The following ARHGAP6 variants were observed in gnomAD, a reference collection of about 807,000 sequenced individuals.
ARHGAP6 encodes Rho GTPase activating protein 6, also known as rho GTPase-activating protein 6.
A neutral mutation model predicts 55.7 loss-of-function variants in ARHGAP6; 16 were observed. The observed-to-expected ratio is 0.29, with a 90% CI of 0.19 to 0.44. The LOEUF (loss-of-function observed/expected upper bound fraction) is 0.44, where lower values mean the gene tolerates loss of function less well. Ranked by LOEUF, ARHGAP6 falls within the 20% of genes least tolerant of loss-of-function variation. ARHGAP6 has a pLI of 1.00. For missense variants in ARHGAP6, 698 were observed against 808.9 expected (o/e 0.86, Z 1.66); for synonymous variants, 382 against 360.9 (o/e 1.06, Z -0.66).
At chrX:11,619,850 G>T (rs1466891555) in intron 1 of ARHGAP6, among the ~76,000 whole-genome samples, 1 of 111,568 alleles carries the variant, frequency 9.0e-6, no homozygotes. Flanking sequence ...GAAAGGGCTG[G>T]GGTAGGTTCC....
At chrX:11,365,874 T>C (rs1248066298) in intron 1 of ARHGAP6, among the ~76,000 whole-genome samples, 2 of 112,052 alleles carry the variant, frequency 1.8e-5, no homozygotes, top group African/African-American at 3.2e-5. Context: ...AAACAAAATA[T>C]CATTTGCTTT....
At chrX:11,483,142 T>G (rs2050474876) in intron 1 of ARHGAP6, among the ~76,000 whole-genome samples, 1 of 111,910 alleles carries the variant, frequency 8.9e-6, no homozygotes, top group Admixed American at 9.4e-5. Flanking sequence ...CAAAATGGGC[T>G]GCAGCAGATA....
intron 1 of ARHGAP6, among the ~76,000 whole-genome samples, chrX:11,514,188 A>G (rs1225933149): frequency 9.8e-6 from 1 of 101,702 alleles, no homozygotes; most frequent in Non-Finnish European, 2.0e-5. Flanking sequence ...AAAAAAAAAA[A>G]GTGGTTTTAC....
intron 1 of ARHGAP6, chrX:11,318,532 C>T (rs935387651): frequency 7.2e-5 from 8 of 111,465 alleles, no homozygotes; most frequent in Non-Finnish European, 5.6e-5. Flanking sequence ...TTAAAACATC[C>T]CCTTTTATCA....
At chrX:11,638,271 C>T (rs1050047231) in intron 1 of ARHGAP6, among the ~76,000 whole-genome samples, 2 of 111,953 alleles carry the variant, frequency 1.8e-5, no homozygotes, top group African/African-American at 6.5e-5. Context: ...ACAAGGGTAA[C>T]GCTGAAAAAT....
Position 11,151,551 on chromosome X carries a change from T to C in ARHGAP6, c.1907+4978A>G, listed in dbSNP as rs150968433. On this transcript the variant is annotated intron_variant, in intron 10 of 12. Transcript: ENST00000337414. ...TTCTAATCCCCCTCTGGCATCCCGT[T>C]TTGGTTGAAGCCAAATACTTAAGCA... 3.6e-5 allele frequency among the ~76,000 whole-genome samples: 4 copies of C among 111,866 alleles called. No homozygotes were observed. The East Asian group carries it at 1.1e-3, about 31-fold the overall frequency.
chrX:11,408,931 A>G (rs890287330), intron 1 of ARHGAP6, among the ~76,000 whole-genome samples: 6 of 110,264 alleles, frequency 5.4e-5, no homozygotes, highest in Admixed American at 3.9e-4. Context: ...ACACACGCAC[A>G]CACACACACG....
At chrX:11,594,540 G>C (rs62588048) in intron 1 of ARHGAP6, among the ~76,000 whole-genome samples, 20,682 of 110,470 alleles carry the variant, frequency 0.19, 1,582 homozygotes, top group Middle Eastern at 0.27. Context: ...AGCGTTGCGT[G>C]AGTGAACATT....
chrX:11,551,570 T>G (rs957915568), intron 1 of ARHGAP6, among the ~76,000 whole-genome samples: 4 of 111,758 alleles, frequency 3.6e-5, no homozygotes, highest in African/African-American at 1.3e-4. Context: ...AAAAGATATG[T>G]TGGAGTCCTT....
intron 1 of ARHGAP6, among the ~76,000 whole-genome samples, chrX:11,661,869 C>T (rs2052706669): frequency 1.8e-5 from 2 of 111,930 alleles, no homozygotes; most frequent in South Asian, 7.5e-4. Context: ...TCAGCAGTGT[C>T]TAGAGACATT....
chrX:11,200,780 C>G (rs752539326), intron 2 of ARHGAP6, among the ~76,000 whole-genome samples: 18 of 112,195 alleles, frequency 1.6e-4, no homozygotes, highest in African/African-American at 4.9e-4. Flanking sequence ...TGGGTCTGAG[C>G]AATGAAGTGC....
chrX:11,311,601 C>T (rs1490200602), intron 1 of ARHGAP6, among the ~76,000 whole-genome samples: 1 of 111,738 alleles, frequency 8.9e-6, no homozygotes, highest in Non-Finnish European at 1.9e-5. Context: ...AACCTTTAAA[C>T]CCTTGAAAGT....
intron 1 of ARHGAP6, among the ~76,000 whole-genome samples, chrX:11,259,943 G>T (rs1309415904): frequency 9.0e-6 from 1 of 111,625 alleles, no homozygotes; most frequent in Non-Finnish European, 1.9e-5. Flanking sequence ...CATGGTAAAA[G>T]GGACTTTGCA....
intron 10 of ARHGAP6, among the ~76,000 whole-genome samples, chrX:11,148,011 C>A (rs1476713155): frequency 8.9e-6 from 1 of 112,098 alleles, no homozygotes; most frequent in African/African-American, 3.3e-5. Flanking sequence ...TCCTACAAAC[C>A]AGTTCCAATT....
chrX:11,205,855 C>G (rs762187142), intron 2 of ARHGAP6, among the ~76,000 whole-genome samples: 1 of 112,080 alleles, frequency 8.9e-6, no homozygotes, highest in African/African-American at 3.2e-5. Flanking sequence ...CCACTACTAC[C>G]ATCTACTTAT....
intron 1 of ARHGAP6, among the ~76,000 whole-genome samples, chrX:11,646,448 C>T (rs181938263): frequency 2.2e-4 from 24 of 111,386 alleles, no homozygotes; most frequent in African/African-American, 6.8e-4. Flanking sequence ...AGAATATAAA[C>T]GCTGAGGAAC....
At chrX:11,321,342 A>G (rs1328800577) in intron 1 of ARHGAP6, among the ~76,000 whole-genome samples, 2 of 112,022 alleles carry the variant, frequency 1.8e-5, no homozygotes, top group Admixed American at 1.9e-4. Flanking sequence ...GCACAAATTT[A>G]GTTGCACAGT....
At position 11,139,195 on chromosome X, in the gene ARHGAP6, G is replaced by A. The variant is rs1317708944; in HGVS notation, c.2593C>T (p.Pro865Ser). The A allele has an allele frequency of 8.3e-7, 1 of 1,204,310 alleles. No individual in the cohort carries two copies. Among genetic ancestry groups the A allele is most frequent in the East Asian group, 3.0e-5 (1 of 33,571 alleles). The change falls in exon 13 of 13, where the codon CCT (proline) becomes TCT (serine). Residue 865 changes from proline to serine, a missense_variant. By Grantham distance (74) the Pro-to-Ser change is moderately conservative (BLOSUM62 -1). Transcript: ENST00000337414. The stretch of plus-strand genomic sequence containing the variant: ...CTCCCATGGGGTCTTTGGCACTGAG[G>A]TGTGGCCCGGCTCTGCAGCCCGGCC... ...DVAGLQSRAT[P>S]QCQRPHGSGR... is the part of the protein sequence containing the mutation.
At position 11,142,244 on chromosome X, in the gene ARHGAP6, G is replaced by A; in HGVS notation, c.2246C>T (p.Pro749Leu). 1 of 1,191,828 alleles carries A rather than the reference G, an allele frequency of 8.4e-7. No individual in the cohort carries two copies. The highest frequency in any genetic ancestry group is 3.0e-5 in the East Asian group (1 of 33,452). The change falls in exon 12 of 13, where the codon CCA becomes CTA. Residue 749 changes from proline to leucine, a missense_variant. By Grantham distance (98) the Pro-to-Leu change is moderately conservative. Transcript: ENST00000337414. ...AATTAATACTTCACCTGTCATTCCTGGGTCTTTGGATCCGCTTTTTAATGT... is the reference window on the plus strand; with the variant it reads ...AATTAATACTTCACCTGTCATTCCTAGGTCTTTGGATCCGCTTTTTAATGT... Reference protein sequence around the residue: ...HSTLKSGSKDPGMTGSSGDIF... With the variant: ...HSTLKSGSKDLGMTGSSGDIF...
Sources: allele counts gnomAD v4.1 joint callset (sites outside exome capture counted in the v4.1 genomes callset), GRCh38; gene constraint gnomAD v4.1.1; transcripts MANE v1.5; gene names NCBI Gene and HGNC (gene_info 2026-07-23, HGNC 2026-07-21).